The following YAE1 variants were observed in gnomAD, a reference collection of about 807,000 sequenced individuals.
The protein encoded by YAE1 is YAE1 maturation factor of ABCE1.
Under a neutral mutation model 23.0 loss-of-function variants are expected in YAE1, and 22 were observed. The ratio of observed to expected loss-of-function variants is 0.96; its 90% CI spans 0.68 to 1.37. The LOEUF (loss-of-function observed/expected upper bound fraction) is 1.37, where lower values mean the gene tolerates loss of function less well. Among genes scored for constraint, YAE1 ranks in the 40% most tolerant of loss-of-function variants. YAE1 has a pLI of 0.00. For synonymous variants in YAE1, 101 were observed against 97.0 expected, an observed-to-expected ratio of 1.04 and a Z score of -0.24; for missense variants, 260 against 262.1, an observed-to-expected ratio of 0.99 and a Z score of 0.06.
chr7:39,573,978 G>A (rs753676517), downstream of YAE1, among the ~76,000 whole-genome samples: 5 of 152,172 alleles, frequency 3.3e-5, no homozygotes, highest in Non-Finnish European at 5.9e-5. Flanking sequence ...TATGGACACA[G>A]CCCAAATCTC....
At chr7:39,567,500 C>A (rs539186694) in intron 1 of YAE1, among the ~76,000 whole-genome samples, 2 of 152,066 alleles carry the variant, frequency 1.3e-5, no homozygotes, top group Non-Finnish European at 2.9e-5. Context: ...CTCTGCTTTG[C>A]CCTGTCTCCT....
At chr7:39,604,089 G>T (rs373130038) in intron 2 of YAE1, among the ~76,000 whole-genome samples, 2 of 152,210 alleles carry the variant, frequency 1.3e-5, no homozygotes, top group African/African-American at 4.8e-5. Context: ...TATGGAGGAA[G>T]GGTTGATTGA....
chr7:39,579,625 GC>G (rs1790712314), intron 2 of YAE1, among the ~76,000 whole-genome samples: 1 of 148,094 alleles, frequency 6.8e-6, no homozygotes, highest in African/African-American at 2.5e-5. Flanking sequence ...CTGAGATCAC[GC>G]CACTGCACTC....
chr7:39,610,109 G>A (rs1199847608), exon 3 of YAE1: 14 of 1,147,396 alleles, frequency 1.2e-5, no homozygotes, highest in African/African-American at 3.2e-5. Flanking sequence ...TGGCCCTCCG[G>A]CAAGCTAGAA....
intron 1 of YAE1, chr7:39,570,284 G>T (rs965751706): frequency 1.1e-5 from 7 of 657,136 alleles, no homozygotes; most frequent in Admixed American, 3.1e-5. Context: ...TTTAAAAATT[G>T]CCCGGTAACT....
chr7:39,578,738 G>C (rs1790697230), intron 2 of YAE1, among the ~76,000 whole-genome samples: 1 of 152,160 alleles, frequency 6.6e-6, no homozygotes, highest in African/African-American at 2.4e-5. Flanking sequence ...TTTAAGAACT[G>C]TAACACTCAC....
At chr7:39,587,953 C>T (rs1445519190) in intron 2 of YAE1, among the ~76,000 whole-genome samples, 3 of 152,128 alleles carry the variant, frequency 2.0e-5, no homozygotes, top group Non-Finnish European at 4.4e-5. Flanking sequence ...TTTAAAATCA[C>T]GATTTAATCT....
Position 39,570,587 on chromosome 7 carries a change from G to A in YAE1, c.211G>A (p.Glu71Lys). 2 of 1,607,438 alleles carry A rather than the reference G, an allele frequency of 1.2e-6. No homozygotes were observed. The highest frequency in any genetic ancestry group is 8.5e-7 in the Non-Finnish European group (1 of 1,178,718). ...CAATCAAGGTTATAAGAAAGGTGCA[G>A]AAGTCATTTTAAACTATGGACGACT... ...GFNQGYKKGAEVILNYGRLRG... is the reference protein window; with the variant it reads ...GFNQGYKKGAKVILNYGRLRG... The change falls in exon 2 of 3, where the codon GAA becomes AAA. Residue 71 changes from glutamate (E) to lysine (K), a missense_variant. Glu to Lys is a moderately conservative substitution (Grantham distance 56). Coordinates refer to ENST00000223273, the MANE Select transcript of YAE1 (RefSeq NM_020192.5).
chr7:39,593,177 C>CTTTTTGTTTTTTTTTT (rs1790925117), intron 2 of YAE1, among the ~76,000 whole-genome samples: 1 of 72,104 alleles, frequency 1.4e-5, no homozygotes, highest in Non-Finnish European at 2.3e-5. Context: ...TTGGTTATTT[C>CTTTTTGTTTTTTTTTT]TTTTTTTTTT....
At chr7:39,612,043 T>C (rs1422827844), downstream of YAE1, among the ~76,000 whole-genome samples, 4 of 152,232 alleles carry the variant, frequency 2.6e-5, no homozygotes, top group Admixed American at 1.3e-4. Flanking sequence ...ATTTTCATTA[T>C]ATGGTGTTAA....
chr7:39,605,721 CT>C (rs572463248), intron 2 of YAE1, among the ~76,000 whole-genome samples: 13 of 152,268 alleles, frequency 8.5e-5, no homozygotes, highest in Non-Finnish European at 1.8e-4. Flanking sequence ...GTGAGCCAAT[CT>C]TTTTTTCTCT....
chr7:39,570,320 A>T, intron 1 of YAE1, 186 bp from the exon 2 acceptor site: 1 of 723,046 alleles, frequency 1.4e-6, no homozygotes, highest in Non-Finnish European at 2.2e-6. Context: ...GGGATAAGTA[A>T]TGATAAACCA....
intron 2 of YAE1, among the ~76,000 whole-genome samples, chr7:39,583,357 A>G (rs1790773260): frequency 6.7e-6 from 1 of 149,752 alleles, no homozygotes; most frequent in East Asian, 1.9e-4. Flanking sequence ...TTTAAAAGAG[A>G]AAGACCAGTT....
intron 1 of YAE1, 48 bp downstream of exon 1, chr7:39,566,595 G>T: frequency 6.2e-7 from 1 of 1,607,572 alleles, no homozygotes. Flanking sequence ...GGGAAGAGGC[G>T]CGGAGTTGTG....
chr7:39,566,654 T>G, intron 1 of YAE1, 107 bp downstream of exon 1: 1 of 1,486,286 alleles, frequency 6.7e-7, no homozygotes, highest in Non-Finnish European at 9.0e-7. Flanking sequence ...GCTGCTCTCT[T>G]TATCCCTAGG....
At chr7:39,609,022 TA>T (rs1052152640) in intron 2 of YAE1, among the ~76,000 whole-genome samples, 2 of 152,180 alleles carry the variant, frequency 1.3e-5, no homozygotes, top group Admixed American at 1.3e-4. Context: ...CTGCAGAACA[TA>T]AAGACAATTT....
At chr7:39,578,617 G>A (rs773919968) in intron 2 of YAE1, among the ~76,000 whole-genome samples, 1 of 152,116 alleles carries the variant, frequency 6.6e-6, no homozygotes, top group Admixed American at 6.5e-5. Flanking sequence ...AACACTCACC[G>A]CGAAGGTCTG....
chr7:39,595,696 C>G (rs1238962368), intron 2 of YAE1, among the ~76,000 whole-genome samples: 1 of 152,158 alleles, frequency 6.6e-6, no homozygotes, highest in Non-Finnish European at 1.5e-5. Context: ...GGAAATGGTG[C>G]CTTCATCTCC....
chr7:39,583,182 G>A (rs1189310257), intron 2 of YAE1, among the ~76,000 whole-genome samples: 1 of 152,056 alleles, frequency 6.6e-6, no homozygotes, highest in Non-Finnish European at 1.5e-5. Context: ...ATCATTATGA[G>A]AACTATAGAA....
Sources: allele counts gnomAD v4.1 joint callset (sites outside exome capture counted in the v4.1 genomes callset), GRCh38; gene constraint gnomAD v4.1.1; transcripts MANE v1.5; gene names NCBI Gene and HGNC (gene_info 2026-07-23, HGNC 2026-07-21).